Variants in NKAIN2 observed in about 807,000 individuals in gnomAD.
NKAIN2 encodes the protein sodium/potassium transporting ATPase interacting 2.
Under a neutral mutation model 32.6 loss-of-function variants are expected in NKAIN2, and 14 were observed. That is an observed-to-expected ratio of 0.43 (90% confidence interval 0.28 to 0.67). The LOEUF (loss-of-function observed/expected upper bound fraction) is 0.67, where lower values mean the gene tolerates loss of function less well. Ranked by LOEUF, NKAIN2 falls within the 30% of genes least tolerant of loss-of-function variation. The pLI, the probability that NKAIN2 is intolerant of heterozygous loss-of-function variation, is 0.17. For missense variants in NKAIN2, 198 were observed against 258.3 expected (o/e 0.77, Z 1.60); for synonymous variants, 80 against 87.2 (o/e 0.92, Z 0.46).
At chr6:123,945,390 T>C (rs1306962301) in intron 1 of NKAIN2, among the ~76,000 whole-genome samples, 4 of 152,142 alleles carry the variant, frequency 2.6e-5, no homozygotes. Flanking sequence ...AGTGTGTCTG[T>C]GACTGTGTGG....
intron 1 of NKAIN2, among the ~76,000 whole-genome samples, chr6:124,098,345 T>A (rs1045218459): frequency 6.6e-6 from 1 of 152,194 alleles, no homozygotes; most frequent in Non-Finnish European, 1.5e-5. Flanking sequence ...ACACGAGGAA[T>A]GCCTCAACAG....
chr6:124,167,476 T>C (rs1024207092), intron 1 of NKAIN2, among the ~76,000 whole-genome samples: 3 of 152,210 alleles, frequency 2.0e-5, no homozygotes, highest in African/African-American at 7.2e-5. Flanking sequence ...AGGGACAATT[T>C]GACTTCCTCT....
chr6:124,357,898 G>C (rs1799064130), intron 3 of NKAIN2, among the ~76,000 whole-genome samples: 1 of 151,566 alleles, frequency 6.6e-6, no homozygotes, highest in Admixed American at 6.6e-5. Flanking sequence ...TTAACATTAG[G>C]TATATCTCCT....
chr6:124,182,467 T>A (rs1304489414), intron 1 of NKAIN2, among the ~76,000 whole-genome samples: 1 of 152,226 alleles, frequency 6.6e-6, no homozygotes, highest in East Asian at 1.9e-4. Flanking sequence ...AACTCTGTAT[T>A]CTTTGAAATT....
At chr6:124,734,095 T>G in intron 4 of NKAIN2, among the ~76,000 whole-genome samples, 1 of 103,190 alleles carries the variant, frequency 9.7e-6, no homozygotes, top group African/African-American at 3.4e-5. Flanking sequence ...ACACACACAA[T>G]GATGGGGGTA....
chr6:124,626,498 T>A (rs1267183619), intron 3 of NKAIN2, among the ~76,000 whole-genome samples: 2 of 152,050 alleles, frequency 1.3e-5, no homozygotes, highest in Non-Finnish European at 2.9e-5. Flanking sequence ...CACAGAGAGG[T>A]ATGTAAATCC....
chr6:124,463,330 T>A (rs1776609173), intron 3 of NKAIN2, among the ~76,000 whole-genome samples: 1 of 152,124 alleles, frequency 6.6e-6, no homozygotes, highest in South Asian at 2.1e-4. Context: ...TATGTGCATA[T>A]ACATATGCAC....
intron 1 of NKAIN2, among the ~76,000 whole-genome samples, chr6:124,245,550 T>A (rs1413032399): frequency 1.3e-5 from 2 of 152,114 alleles, no homozygotes; most frequent in Non-Finnish European, 2.9e-5. Flanking sequence ...GAACTTATAT[T>A]GCCCCCAGAT....
intron 1 of NKAIN2, among the ~76,000 whole-genome samples, chr6:123,907,759 T>G (rs1774960246): frequency 6.6e-6 from 1 of 152,142 alleles, no homozygotes. Flanking sequence ...TTTTAAAATC[T>G]ATTCTGAGAG....
chr6:124,026,683 G>C (rs1185778977), intron 1 of NKAIN2, among the ~76,000 whole-genome samples: 3 of 152,140 alleles, frequency 2.0e-5, no homozygotes, highest in Admixed American at 6.5e-5. Flanking sequence ...TGTTCAGACA[G>C]CCACCACTGA....
At chr6:123,906,878 G>A (rs1251738013) in intron 1 of NKAIN2, among the ~76,000 whole-genome samples, 3 of 152,116 alleles carry the variant, frequency 2.0e-5, no homozygotes, top group East Asian at 3.9e-4. Context: ...AAGCATTCTA[G>A]TAAACTGAAA....
At chr6:124,739,189 T>G (rs376636827) in intron 4 of NKAIN2, among the ~76,000 whole-genome samples, 10 of 152,018 alleles carry the variant, frequency 6.6e-5, no homozygotes, top group African/African-American at 1.9e-4. Context: ...TGGATGGAGA[T>G]AAATATGGAA....
chr6:124,138,451 GT>G (rs1349118996), intron 1 of NKAIN2, among the ~76,000 whole-genome samples: 1 of 151,846 alleles, frequency 6.6e-6, no homozygotes, highest in African/African-American at 2.4e-5. Flanking sequence ...AGAACTAAAA[GT>G]AGAACTACCA....
intron 1 of NKAIN2, among the ~76,000 whole-genome samples, chr6:124,179,726 A>G (rs1789343161): frequency 6.6e-6 from 1 of 152,312 alleles, no homozygotes; most frequent in East Asian, 1.9e-4. Flanking sequence ...CTGAGGGGAA[A>G]TGTAACTGTG....
intron 3 of NKAIN2, among the ~76,000 whole-genome samples, chr6:124,411,972 T>G (rs1033278841): frequency 3.9e-5 from 6 of 152,236 alleles, no homozygotes; most frequent in Non-Finnish European, 8.8e-5. Context: ...GTTGATTACA[T>G]TGGTTACTGA....
intron 1 of NKAIN2, among the ~76,000 whole-genome samples, chr6:124,110,005 A>AT (rs11458464): frequency 0.66 from 99,975 of 151,618 alleles, 33,112 homozygotes; most frequent in East Asian, 0.75. Context: ...ATTTGCTAGT[A>AT]TTTTTTGAAA....
At chr6:124,321,126 C>T (rs1252996176) in intron 2 of NKAIN2, among the ~76,000 whole-genome samples, 1 of 152,124 alleles carries the variant, frequency 6.6e-6, no homozygotes, top group East Asian at 1.9e-4. Context: ...TAAGTATTTT[C>T]ACTGAAATAA....
chr6:123,850,848 C>T (rs570176012), intron 1 of NKAIN2, among the ~76,000 whole-genome samples: 1 of 152,134 alleles, frequency 6.6e-6, no homozygotes, highest in South Asian at 2.1e-4. Flanking sequence ...AATGAAATTT[C>T]GTATCTTAGA....
chr6:124,327,716 T>C (rs1797480165), intron 2 of NKAIN2, among the ~76,000 whole-genome samples: 2 of 152,144 alleles, frequency 1.3e-5, no homozygotes, highest in South Asian at 4.1e-4. Flanking sequence ...TAAATGTCAA[T>C]AAAATTATTT....
Sources: allele counts gnomAD v4.1 joint callset (sites outside exome capture counted in the v4.1 genomes callset), GRCh38; gene constraint gnomAD v4.1.1; transcripts MANE v1.5; gene names NCBI Gene and HGNC (gene_info 2026-07-23, HGNC 2026-07-21).